NRAP: variants seen among roughly 807,000 people sequenced by gnomAD.
NRAP encodes nebulin related anchoring protein, also known as nebulin-related-anchoring protein.
Under a neutral mutation model 225.9 loss-of-function variants are expected in NRAP, and 189 were observed. The observed-to-expected ratio is 0.84, with a 90% CI of 0.74 to 0.94. NRAP has a LOEUF of 0.94. Ranked by LOEUF, NRAP falls within the 40% of genes least tolerant of loss-of-function variation. The probability of loss-of-function intolerance (pLI) is 0.00; values close to 1 mark genes in which losing one functional copy is unlikely to be tolerated. For missense variants in NRAP, 2,176 were observed against 2,168.7 expected, an observed-to-expected ratio of 1.00 and a Z score of -0.07; for synonymous variants, 769 against 790.7, an observed-to-expected ratio of 0.97 and a Z score of 0.46.
In NRAP at chr10:113,634,125, T is replaced by C. The variant is rs767948316; in HGVS notation, c.1514A>G (p.Gln505Arg). 24 of 1,612,956 alleles carry C rather than the reference T, an allele frequency of 1.5e-5. No homozygotes were observed. The highest frequency in any genetic ancestry group is 2.0e-5 in the Non-Finnish European group (24 of 1,179,050). Residue 505 changes from glutamine (Q) to arginine (R), a missense_variant, in exon 15 of 42, where the codon CAG (glutamine) becomes CGG (arginine). Coordinates refer to ENST00000359988, the MANE Select transcript of NRAP (RefSeq NM_198060.4). ...PQIVQAKINA[Q>R]QLSHVNYRAD... Reference sequence around the variant, plus strand: ...ACAGTTACTTACATGACTCAGCTGCTGGGCATTGATTTTGGCTTGAACAAT... The same window carrying C: ...ACAGTTACTTACATGACTCAGCTGCCGGGCATTGATTTTGGCTTGAACAAT...
intron 15 of NRAP, 100 bp downstream of exon 15, chr10:113,634,012 C>T (rs1848718261): frequency 1.3e-6 from 1 of 776,456 alleles, no homozygotes; most frequent in Non-Finnish European, 2.2e-6. Flanking sequence ...ACATGTGTCA[C>T]AATTTATGAA....
At chr10:113,604,299 T>C (rs1013569010) in intron 35 of NRAP, among the ~76,000 whole-genome samples, 3 of 152,134 alleles carry the variant, frequency 2.0e-5, no homozygotes, top group African/African-American at 7.2e-5. Context: ...GTATTTTTAA[T>C]AGAGACGGGG....
At chr10:113,632,065 G>T in intron 16 of NRAP, 101 bp from the exon 17 acceptor site, 1 of 737,262 alleles carries the variant, frequency 1.4e-6, no homozygotes, top group Non-Finnish European at 2.4e-6. Context: ...TCTATTTACA[G>T]ACCAGAGGCT....
At chr10:113,630,426 T>C (rs1313909289) in intron 18 of NRAP, among the ~76,000 whole-genome samples, 1 of 152,128 alleles carries the variant, frequency 6.6e-6, no homozygotes, top group South Asian at 2.1e-4. Context: ...ATGGTAATTA[T>C]GGTGTGGTGG....
intron 7 of NRAP, among the ~76,000 whole-genome samples, chr10:113,650,747 G>A (rs1592861709): frequency 1.3e-5 from 2 of 152,170 alleles, no homozygotes; most frequent in Admixed American, 6.5e-5. Context: ...GGCACATGGA[G>A]ACACCCAATG....
intron 40 of NRAP, 124 bp downstream of exon 40, chr10:113,590,454 G>C (rs929549846): frequency 4.8e-6 from 4 of 833,746 alleles, no homozygotes; most frequent in Non-Finnish European, 7.4e-6. Flanking sequence ...AAAGTGTTAG[G>C]TGTCTTGGAT....
chr10:113,638,105 AATT>A lies in NRAP; in HGVS notation c.1428+2119_1428+2121del, dbSNP rs374440692. Among the ~76,000 whole-genome samples, 1,103 of 152,316 alleles carry A rather than the reference AATT, an allele frequency of 7.2e-3. 11 individuals are homozygous for A. Among genetic ancestry groups the A allele is most frequent in the Non-Finnish European group, 9.7e-3 (657 of 68,024 alleles). On this transcript the variant is annotated intron_variant, in intron 14 of 41. Transcript: ENST00000359988. Reference sequence around the variant, plus strand: ...CCTAATGTATTAATTCAGGAGGCAAAATTATTATCTCATAATAGAGTCTATTAG... The same window carrying A: ...CCTAATGTATTAATTCAGGAGGCAAAATTATCTCATAATAGAGTCTATTAG...
intron 3 of NRAP, among the ~76,000 whole-genome samples, chr10:113,660,262 C>T (rs1850584586): frequency 6.6e-6 from 1 of 151,924 alleles, no homozygotes; most frequent in Admixed American, 6.6e-5. Flanking sequence ...TACACATGAA[C>T]ATGTGCACAC....
chr10:113,643,966 G>T (rs957781272), intron 11 of NRAP, among the ~76,000 whole-genome samples: 1 of 151,604 alleles, frequency 6.6e-6, no homozygotes, highest in Admixed American at 6.6e-5. Context: ...AGCAGACGGG[G>T]TTTCACCCCG....
intron 35 of NRAP, among the ~76,000 whole-genome samples, chr10:113,603,273 T>C (rs1228927460): frequency 4.6e-5 from 7 of 152,058 alleles, no homozygotes; most frequent in Non-Finnish European, 2.9e-5. Context: ...GGTTGGAATC[T>C]CAGAAGTCTG....
At chr10:113,618,956 A>G (rs1472099346) in intron 25 of NRAP, among the ~76,000 whole-genome samples, 2 of 152,082 alleles carry the variant, frequency 1.3e-5, no homozygotes, top group Non-Finnish European at 2.9e-5. Flanking sequence ...AAAAATAAAT[A>G]AGTAAAATAA....
At chr10:113,620,389 T>C (rs1299767515) in intron 25 of NRAP, among the ~76,000 whole-genome samples, 1 of 152,148 alleles carries the variant, frequency 6.6e-6, no homozygotes, top group Non-Finnish European at 1.5e-5. Context: ...ATTCATAATA[T>C]CATTTGTCAC....
chr10:113,615,196 G>T (rs995699100), intron 27 of NRAP, among the ~76,000 whole-genome samples: 1 of 152,256 alleles, frequency 6.6e-6, no homozygotes, highest in South Asian at 2.1e-4. Context: ...GGAAGCAAAG[G>T]CTTTAGAGTC....
rs932653604 is a variant in NRAP at position 113,649,609 on chromosome 10, T to C, written c.888+428A>G. ...ATACTGATTTATCTACCAACCTAGA[T>C]AAAAAAAATTCACTTTCTAAGAAAA... On this transcript the variant is annotated intron_variant, in intron 9 of 41. Transcript: ENST00000359988. 7.9e-5 allele frequency among the ~76,000 whole-genome samples: 12 copies of C among 152,220 alleles called. 5 individuals carry two copies. Among genetic ancestry groups the C allele is most frequent in the Admixed American group, 7.8e-4 (12 of 15,302 alleles).
In NRAP at chr10:113,620,680, A is replaced by G; in HGVS notation, c.2798T>C (p.Met933Thr). 6.2e-7 allele frequency: 1 copy of G among 1,612,790 alleles called. No homozygotes were observed. Among genetic ancestry groups the G allele is most frequent in the Non-Finnish European group, 8.5e-7 (1 of 1,179,386 alleles). The change falls in exon 25 of 42, where the codon ATG (methionine) becomes ACG (threonine). Residue 933 changes from methionine (M) to threonine (T), a missense_variant. Around this residue, in one of 3 missense-constraint regions of NRAP, gnomAD observed 1,708 missense variants for 1,695.5 expected, o/e 1.01. Coordinates refer to ENST00000359988, the MANE Select transcript of NRAP (RefSeq NM_198060.4). Reference sequence around the variant, plus strand: ...GGTGGCGACCCAGCCCATGCCTTTCATCCACTTCACATCTGCCCTGTATTG... The same window carrying G: ...GGTGGCGACCCAGCCCATGCCTTTCGTCCACTTCACATCTGCCCTGTATTG... Reference protein sequence around the residue: ...DNQYRADVKWMKGMGWVATGS... With the variant: ...DNQYRADVKWTKGMGWVATGS...
chr10:113,629,738 C>T lies in NRAP; in HGVS notation c.1890G>A (p.Leu630=), dbSNP rs1848480113. ...GFEESKTRFH[L]PMDMVNIRHA... ...GCCTGATGTTTACCATATCCATGGG[C>T]AGGTGAAACCGGGTCTTACTCTCTT... Residue 630 remains leucine, a synonymous_variant, in exon 19 of 42, where the codon CTG becomes CTA. Transcript: ENST00000359988. 1 of 1,613,900 alleles carries T rather than the reference C, an allele frequency of 6.2e-7. No individual in the cohort carries two copies.
Position 113,634,113 on chromosome 10 carries a change from T to C in NRAP, c.1526A>G (p.His509Arg). Residue 509 changes from histidine (H) to arginine (R), a missense_variant and splice_region_variant, in exon 15 of 42, where the codon CAT becomes CGT. Coordinates refer to ENST00000359988, the MANE Select transcript of NRAP (RefSeq NM_198060.4). The stretch of plus-strand genomic sequence containing the variant: ...AGCTGGGCAGGGACAGTTACTTACA[T>C]GACTCAGCTGCTGGGCATTGATTTT... The part of the protein sequence containing the change: ...QAKINAQQLS[H>R]VNYRADYEKN... The C allele has an allele frequency of 6.2e-7, 1 of 1,609,888 alleles. No homozygotes were observed. The highest frequency in any genetic ancestry group is 8.5e-7 in the Non-Finnish European group (1 of 1,176,144).
chr10:113,633,191 G>C lies in NRAP; in HGVS notation c.1528-3C>G, dbSNP rs954436138. ...TCATAGTCAGCACGGTAATTCACCT[G>C]TTGGATTTAAAATAAATCTGTAGGG... On this transcript the variant is annotated splice_polypyrimidine_tract_variant and splice_region_variant and intron_variant, in intron 15 of 41. Transcript: ENST00000359988. 2 of 1,521,300 alleles carry C rather than the reference G, an allele frequency of 1.3e-6. No individual in the cohort carries two copies. The highest frequency in any genetic ancestry group is 2.7e-5 in the African/African-American group (2 of 72,860). The allele number at this position is 1,521,300 out of a possible 1,614,324, so 94.2% of individuals were successfully genotyped here.
chr10:113,605,045 G>T, intron 34 of NRAP, 125 bp from the exon 35 acceptor site: 1 of 967,408 alleles, frequency 1.0e-6, no homozygotes, highest in Non-Finnish European at 1.5e-6. Context: ...GCTGGCCTGA[G>T]AGTGTGCCTT....
Sources: allele counts gnomAD v4.1 joint callset (sites outside exome capture counted in the v4.1 genomes callset), GRCh38; gene constraint gnomAD v4.1.1; regional missense constraint gnomAD v4.1.1; transcripts MANE v1.5; gene names NCBI Gene and HGNC (gene_info 2026-07-23, HGNC 2026-07-21).